LMX1B: variants seen among roughly 807,000 people sequenced by gnomAD.
LMX1B encodes the protein LIM homeobox transcription factor 1-beta.
A neutral mutation model predicts 51.4 loss-of-function variants in LMX1B; 12 were observed. The observed-to-expected ratio is 0.23, with a 90% CI of 0.15 to 0.38. The LOEUF is 0.38. LMX1B is among the 10% of genes least tolerant of loss of function. The pLI, the probability that LMX1B is intolerant of heterozygous loss-of-function variation, is 1.00. For synonymous variants in LMX1B, 237 were observed against 235.4 expected (o/e 1.01, Z -0.06); for missense variants, 445 against 571.1 (o/e 0.78, Z 2.25).
intron 2 of LMX1B, among the ~76,000 whole-genome samples, chr9:126,689,626 A>G (rs1374916427): frequency 2.0e-5 from 3 of 152,222 alleles, no homozygotes; most frequent in Non-Finnish European, 4.4e-5. Flanking sequence ...CGGTCAGCAG[A>G]CACAGCAGAG....
At chr9:126,672,255 G>C (rs1022762537) in intron 2 of LMX1B, among the ~76,000 whole-genome samples, 17 of 152,276 alleles carry the variant, frequency 1.1e-4, no homozygotes, top group African/African-American at 4.1e-4. Context: ...GTTATTAGAG[G>C]GACTGAATGA....
At chr9:126,645,632 T>C (rs959691750) in intron 2 of LMX1B, among the ~76,000 whole-genome samples, 1 of 121,288 alleles carries the variant, frequency 8.2e-6, no homozygotes, top group Non-Finnish European at 1.8e-5. Flanking sequence ...TCAGAGATGC[T>C]GCTGGCAAGG....
rs1835344066 is a variant in LMX1B, at chr9:126,618,435, C to T, written c.326+2866C>T. 6.6e-6 allele frequency among the ~76,000 whole-genome samples: 1 copy of T among 152,192 alleles called. No individual in the cohort carries two copies. On this transcript the variant is annotated intron_variant, in intron 2 of 7. Transcript: ENST00000373474. This position sits in a 1 kb window ranked among gnomAD's most constrained non-coding sequence, Gnocchi z 4.5. ...TAAAAATCCTCTTGTACATCCTTGG[C>T]GGGCAGAGCAGAGCGCCGGCCGTGG...
At chr9:126,654,571 A>G (rs10119930) in intron 2 of LMX1B, among the ~76,000 whole-genome samples, 59,471 of 152,032 alleles carry the variant, frequency 0.39, 12,453 homozygotes, top group African/African-American at 0.48. Context: ...GTAGAAGGAG[A>G]GACTGTTTGC....
intron 2 of LMX1B, among the ~76,000 whole-genome samples, chr9:126,686,807 T>G (rs966914648): frequency 2.6e-5 from 4 of 152,216 alleles, no homozygotes; most frequent in Middle Eastern, 3.4e-3. Context: ...ATCTGTAAAA[T>G]GGGAATGGAA....
intron 2 of LMX1B, among the ~76,000 whole-genome samples, chr9:126,688,123 G>A (rs1024878109): frequency 6.6e-6 from 1 of 152,222 alleles, no homozygotes; most frequent in Non-Finnish European, 1.5e-5. Context: ...TTGCAATCTA[G>A]ATAACAGATG....
chr9:126,634,876 G>C (rs1835689248), intron 2 of LMX1B, among the ~76,000 whole-genome samples: 1 of 152,154 alleles, frequency 6.6e-6, no homozygotes, highest in Non-Finnish European at 1.5e-5. Flanking sequence ...GTGGGGTACA[G>C]TGTGGGCCAA....
Position 126,677,905 on chromosome 9 carries a change from C to G in LMX1B, c.327-12931C>G, listed in dbSNP as rs1312997229. Among the ~76,000 whole-genome samples the G allele has an allele frequency of 6.8e-6, 1 of 146,198 alleles. No homozygotes were observed. The highest frequency in any genetic ancestry group is 1.6e-5 in the Non-Finnish European group (1 of 63,720). On this transcript the variant is annotated intron_variant, in intron 2 of 7. Coordinates refer to ENST00000373474, the MANE Select transcript of LMX1B (RefSeq NM_001174147.2). This position sits in a 1 kb window ranked among gnomAD's most constrained non-coding sequence, Gnocchi z 5.0. ...CTATCTCTGGCTGCATTAAGAGGAG[C>G]ATAGGATGGGAAATAAGGGAGGAGA... is the stretch of plus-strand genomic sequence containing the variant.
rs10987417 is a variant in LMX1B, at chr9:126,700,222, G to T, written c.*3771G>T. The T allele has an allele frequency of 0.43, 65,424 of 152,018 alleles. 14,837 individuals are homozygous for T. The highest frequency in any genetic ancestry group is 0.85 in the East Asian group (4,369 of 5,120). 9.4% of individuals were successfully genotyped at this position (152,018 alleles called of 1,614,324 possible). A position where few individuals can be genotyped will look rare whatever the true frequency, so the allele number is the denominator to read the frequency against. On this transcript the variant is annotated 3_prime_UTR_variant, in exon 8 of 8. Transcript: ENST00000373474. Reference sequence around the variant, plus strand: ...AGAGTCAGACCAAGGTGCCAGCACAGCCTGGAAAGAGCTCAGAAAGGGGGT... The same window carrying T: ...AGAGTCAGACCAAGGTGCCAGCACATCCTGGAAAGAGCTCAGAAAGGGGGT...
intron 3 of LMX1B, among the ~76,000 whole-genome samples, chr9:126,691,748 C>G (rs1417830148): frequency 6.6e-6 from 1 of 152,234 alleles, no homozygotes; most frequent in Non-Finnish European, 1.5e-5. Flanking sequence ...CTTCTCAGCC[C>G]CCTGGAGCCT....
Position 126,618,941 on chromosome 9 carries a change from G to A in LMX1B, c.326+3372G>A, listed in dbSNP as rs1329188870. On this transcript the variant is annotated intron_variant, in intron 2 of 7. Transcript: ENST00000373474. This position sits in a 1 kb window ranked among gnomAD's most constrained non-coding sequence, Gnocchi z 4.5. ...ACGGCGAGACGCGGGGTTCCGGCCC[G>A]GGCCGCGCTCCTACCTCGGCGGCGG... is the stretch of plus-strand genomic sequence containing the variant. 1.3e-5 allele frequency among the ~76,000 whole-genome samples: 2 copies of A among 151,804 alleles called. No homozygotes were observed. Among genetic ancestry groups the A allele is most frequent in the Non-Finnish European group, 2.9e-5 (2 of 67,928 alleles).
intron 2 of LMX1B, among the ~76,000 whole-genome samples, chr9:126,634,013 C>T (rs1192600718): frequency 6.6e-6 from 1 of 151,936 alleles, no homozygotes; most frequent in East Asian, 1.9e-4. Context: ...CTCGGGGATA[C>T]ACCTGGCACA....
At chr9:126,684,981 C>T in intron 2 of LMX1B, among the ~76,000 whole-genome samples, 1 of 152,182 alleles carries the variant, frequency 6.6e-6, no homozygotes, top group East Asian at 1.9e-4. Context: ...TGCTAGCTGG[C>T]TGCCCATTTA....
intron 2 of LMX1B, among the ~76,000 whole-genome samples, chr9:126,678,325 A>AC (rs1263033383): frequency 1.8e-5 from 2 of 111,016 alleles, no homozygotes; most frequent in African/African-American, 9.8e-5. Context: ...AAAAAAACAA[A>AC]AAACAAAAAA....
chr9:126,693,872 G>A lies in LMX1B; in HGVS notation c.886+60G>A, dbSNP rs777431672. On this transcript the variant is annotated intron_variant, in intron 6 of 7. Coordinates refer to ENST00000373474, the MANE Select transcript of LMX1B (RefSeq NM_001174147.2). ...TGAGCTGGGGCCGGGGCCAGGGGTG[G>A]GCCTAGGCCAGGGTGAGCTGGGGCA... 5.1e-5 allele frequency: 42 copies of A among 826,118 alleles called. No homozygotes were observed. The Middle Eastern group carries it at 1.4e-3, about 27-fold the overall frequency. The allele number at this position is 826,118 out of a possible 1,614,324, so 51.2% of individuals were successfully genotyped here.
intron 2 of LMX1B, among the ~76,000 whole-genome samples, chr9:126,623,066 T>C (rs1835447353): frequency 1.3e-5 from 2 of 152,238 alleles, no homozygotes; most frequent in Admixed American, 1.3e-4. Context: ...GGCAGCCCCG[T>C]CTGGCAGGAA....
chr9:126,674,969 G>A (rs1204256902), intron 2 of LMX1B, among the ~76,000 whole-genome samples: 2 of 152,150 alleles, frequency 1.3e-5, no homozygotes, highest in African/African-American at 4.8e-5. Flanking sequence ...TGGCCCACAA[G>A]ACCGTCAACA....
At chr9:126,617,086 AG>A (rs1220002378) in intron 2 of LMX1B, among the ~76,000 whole-genome samples, 1 of 152,188 alleles carries the variant, frequency 6.6e-6, no homozygotes, top group Admixed American at 6.5e-5. Context: ...GTTCCGGGAG[AG>A]GGAGACGCCA....
chr9:126,653,480 C>CT (rs1480630269), intron 2 of LMX1B, among the ~76,000 whole-genome samples: 1 of 152,008 alleles, frequency 6.6e-6, no homozygotes, highest in African/African-American at 2.4e-5. Flanking sequence ...TTTAATTCAG[C>CT]TTTTTATTTT....
Sources: gnomAD v4.1 joint callset for allele counts (sites outside exome capture counted in the v4.1 genomes callset) on GRCh38, gnomAD v4.1.1 for gene constraint, Gnocchi (gnomAD v3.1) non-coding constraint, MANE v1.5 for transcripts, NCBI Gene and HGNC (gene_info 2026-07-23, HGNC 2026-07-21) for gene names.